Variants in CAMKMT observed in about 807,000 individuals in gnomAD.
The protein encoded by CAMKMT is calmodulin-lysine N-methyltransferase.
A neutral mutation model predicts 48.0 loss-of-function variants in CAMKMT; 53 were observed. The ratio of observed to expected loss-of-function variants is 1.10; its 90% confidence interval spans 0.89 to 1.39. CAMKMT has a LOEUF of 1.39. Among genes scored for constraint, CAMKMT ranks in the 40% most tolerant of loss-of-function variants. The pLI, the probability that CAMKMT is intolerant of heterozygous loss-of-function variation, is 0.00. For missense variants in CAMKMT, 428 were observed against 402.7 expected (o/e 1.06, Z -0.54); for synonymous variants, 165 against 152.3 (o/e 1.08, Z -0.61).
chr2:44,517,712 G>A (rs1209697996), intron 3 of CAMKMT, among the ~76,000 whole-genome samples: 1 of 152,180 alleles, frequency 6.6e-6, no homozygotes, highest in African/African-American at 2.4e-5. Context: ...GATTTTGACA[G>A]CCATAAATAT....
chr2:44,400,834 C>G, intron 3 of CAMKMT: 1 of 149,560 alleles, frequency 6.7e-6, no homozygotes, highest in South Asian at 2.1e-4. Flanking sequence ...TTGTGAAATG[C>G]ATTTAAAAAT....
At chr2:44,594,537 A>C (rs2103831838) in intron 3 of CAMKMT, among the ~76,000 whole-genome samples, 1 of 152,334 alleles carries the variant, frequency 6.6e-6, no homozygotes, top group Non-Finnish European at 1.5e-5. Flanking sequence ...TCTTTGACAA[A>C]CCTGACAGAA....
chr2:44,381,878 A>G (rs1680275490), intron 2 of CAMKMT, among the ~76,000 whole-genome samples: 1 of 151,004 alleles, frequency 6.6e-6, no homozygotes. Context: ...TTGCTTTTAT[A>G]TTAAAACTTT....
chr2:44,462,750 T>C (rs965591325), intron 3 of CAMKMT, among the ~76,000 whole-genome samples: 1 of 152,166 alleles, frequency 6.6e-6, no homozygotes, highest in Non-Finnish European at 1.5e-5. Context: ...TGAATAGAAA[T>C]ATAATTCAGG....
At chr2:44,722,176 C>CTTTTTTTT (rs11323950) in intron 7 of CAMKMT, among the ~76,000 whole-genome samples, 30 of 115,448 alleles carry the variant, frequency 2.6e-4, no homozygotes, top group Non-Finnish European at 2.9e-4. Flanking sequence ...TTTCTTTTTT[C>CTTTTTTTT]TTTTTTTTTT....
intron 3 of CAMKMT, among the ~76,000 whole-genome samples, chr2:44,622,588 G>A (rs1458026955): frequency 6.6e-6 from 1 of 152,216 alleles, no homozygotes; most frequent in Non-Finnish European, 1.5e-5. Context: ...GTGAGAACAT[G>A]CAGTATTTGG....
At position 44,654,412 on chromosome 2, in the gene CAMKMT, C is replaced by T. The variant is rs116054957; in HGVS notation, c.377-49871C>T. Among the ~76,000 whole-genome samples, 657 of 152,244 alleles carry T rather than the reference C, an allele frequency of 4.3e-3. 1 individual carries two copies. The highest frequency in any genetic ancestry group is 7.3e-3 in the Admixed American group (111 of 15,298). On this transcript the variant is annotated intron_variant, in intron 3 of 10. Transcript: ENST00000378494. ...GTAATCATGAAGAAGAAAAAAACTA[C>T]TCTTAATCCTAGAAGCCAAAGATTA...
rs184906231 is a variant in CAMKMT, at chr2:44,449,890, T to G, written c.376+59585T>G. Among the ~76,000 whole-genome samples, 513 of 152,268 alleles carry G rather than the reference T, an allele frequency of 3.4e-3. 1 individual carries two copies. The highest frequency in any genetic ancestry group is 0.011 in the African/African-American group (451 of 41,580). On this transcript the variant is annotated intron_variant, in intron 3 of 10. Coordinates refer to ENST00000378494, the MANE Select transcript of CAMKMT (RefSeq NM_024766.5). Reference sequence around the variant, plus strand: ...AATTCAGTTCTAATTTTTACATTGTTTTACATATGTCCTTTTATGATCACT... The same window carrying G: ...AATTCAGTTCTAATTTTTACATTGTGTTACATATGTCCTTTTATGATCACT...
rs369322159 is a variant in CAMKMT at position 44,392,406 on chromosome 2, G to T, written c.376+2101G>T. On this transcript the variant is annotated intron_variant, in intron 3 of 10. Transcript: ENST00000378494. Reference sequence around the variant, plus strand: ...ATTGGTAAAGTCCTGTTCCAATAAAGTAAATATTGATTATGACTTTTATAT... The same window carrying T: ...ATTGGTAAAGTCCTGTTCCAATAAATTAAATATTGATTATGACTTTTATAT... Among the ~76,000 whole-genome samples, 14 of 152,120 alleles carry T rather than the reference G, an allele frequency of 9.2e-5. No individual in the cohort carries two copies. In the South Asian group the frequency reaches 2.9e-3, roughly 32 times the overall value.
intron 3 of CAMKMT, among the ~76,000 whole-genome samples, chr2:44,669,251 C>T (rs1675189925): frequency 6.6e-6 from 1 of 152,100 alleles, no homozygotes; most frequent in Non-Finnish European, 1.5e-5. Context: ...TTAAAAAATT[C>T]ATATGGTGTA....
chr2:44,666,395 T>A lies in CAMKMT; in HGVS notation c.377-37888T>A, dbSNP rs147048178. ...ACTGCACTATCTATTCACAGCTTGA[T>A]GAAAAAGTCCAGGACCCCCCCGAGC... is the stretch of plus-strand genomic sequence containing the variant. On this transcript the variant is annotated intron_variant, in intron 3 of 10. Coordinates refer to ENST00000378494, the MANE Select transcript of CAMKMT (RefSeq NM_024766.5). 2.3e-3 allele frequency among the ~76,000 whole-genome samples: 347 copies of A among 152,254 alleles called. 2 individuals are homozygous for A. The highest frequency in any genetic ancestry group is 7.9e-3 in the African/African-American group (330 of 41,530).
intron 3 of CAMKMT, among the ~76,000 whole-genome samples, chr2:44,660,538 G>A (rs1674624974): frequency 6.6e-6 from 1 of 152,188 alleles, no homozygotes; most frequent in Non-Finnish European, 1.5e-5. Context: ...TTCCTCCAAA[G>A]TCTACAGAAA....
Position 44,729,469 on chromosome 2 carries a change from C to T in CAMKMT, c.623+14116C>T, listed in dbSNP as rs555442463. 1.1e-4 allele frequency among the ~76,000 whole-genome samples: 17 copies of T among 152,300 alleles called. No homozygotes were observed. The South Asian group carries it at 3.5e-3, about 32-fold the overall frequency. Reference sequence around the variant, plus strand: ...AGGGTGGTACGGTATAATACCACTTCTTAATGGAAGAAGTCCAAGAAAGCA... The same window carrying T: ...AGGGTGGTACGGTATAATACCACTTTTTAATGGAAGAAGTCCAAGAAAGCA... On this transcript the variant is annotated intron_variant, in intron 7 of 10. Coordinates refer to ENST00000378494, the MANE Select transcript of CAMKMT (RefSeq NM_024766.5).
At chr2:44,613,811 G>A (rs1339632260) in intron 3 of CAMKMT, among the ~76,000 whole-genome samples, 1 of 152,182 alleles carries the variant, frequency 6.6e-6, no homozygotes, top group East Asian at 1.9e-4. Flanking sequence ...AGTATTGGAG[G>A]AAGCACGTGG....
intron 2 of CAMKMT, among the ~76,000 whole-genome samples, chr2:44,388,969 T>C (rs1285219057): frequency 6.6e-6 from 1 of 152,150 alleles, no homozygotes; most frequent in East Asian, 1.9e-4. Context: ...ATGCTCTCTT[T>C]TTGTGCTGGT....
intron 3 of CAMKMT, among the ~76,000 whole-genome samples, chr2:44,468,109 A>G (rs1008277835): frequency 2.0e-5 from 3 of 152,226 alleles, no homozygotes; most frequent in African/African-American, 7.2e-5. Context: ...CTATCCAACA[A>G]GAGTTTAATA....
intron 3 of CAMKMT, among the ~76,000 whole-genome samples, chr2:44,696,672 C>T (rs1474220006): frequency 6.6e-6 from 1 of 151,934 alleles, no homozygotes; most frequent in African/African-American, 2.4e-5. Context: ...GCCCCACACC[C>T]TCACCCCACT....
chr2:44,694,552 G>A (rs1423731799), intron 3 of CAMKMT, among the ~76,000 whole-genome samples: 1 of 152,214 alleles, frequency 6.6e-6, no homozygotes, highest in Non-Finnish European at 1.5e-5. Flanking sequence ...GACAGAGTGA[G>A]ATCCTGTCTC....
chr2:44,676,648 G>A (rs1035478707), intron 3 of CAMKMT: 1 of 152,254 alleles, frequency 6.6e-6, no homozygotes, highest in Non-Finnish European at 1.5e-5. Context: ...GGGTCTAAGA[G>A]CTTGGGTTGG....
Sources: allele counts gnomAD v4.1 joint callset (sites outside exome capture counted in the v4.1 genomes callset), GRCh38; gene constraint gnomAD v4.1.1; transcripts MANE v1.5; gene names NCBI Gene and HGNC (gene_info 2026-07-23, HGNC 2026-07-21).